Variants in TDRP observed in about 807,000 individuals in gnomAD.
TDRP encodes testis development related protein.
In TDRP, 12 loss-of-function variants were observed where a neutral mutation model predicts 10.5. The observed-to-expected ratio is 1.15, with a 90% CI of 0.73 to 1.86. The LOEUF is 1.86. Ranked by LOEUF, TDRP falls within the 40% of genes most tolerant of loss-of-function variation. TDRP has a pLI of 0.00. For synonymous variants in TDRP, 139 were observed against 95.4 expected (o/e 1.46, Z -2.67); for missense variants, 353 against 229.2 (o/e 1.54, Z -3.49).
intron 1 of TDRP, among the ~76,000 whole-genome samples, chr8:528,315 G>T (rs1390865918): frequency 6.6e-6 from 1 of 152,176 alleles, no homozygotes; most frequent in Non-Finnish European, 1.5e-5. Context: ...TGGTGGGAAT[G>T]TAAAATAGTA....
chr8:545,317 CT>C (rs1347865069), upstream of TDRP, among the ~76,000 whole-genome samples: 241 of 133,180 alleles, frequency 1.8e-3, 6 homozygotes, highest in African/African-American at 6.9e-3. Context: ...CACCGAGCCC[CT>C]AGCCCTGCCC....
At chr8:503,094 G>T (rs1232035442) in intron 1 of TDRP, among the ~76,000 whole-genome samples, 1 of 151,860 alleles carries the variant, frequency 6.6e-6, no homozygotes, top group Non-Finnish European at 1.5e-5. Flanking sequence ...TGTCAACATG[G>T]AATCCAAAGC....
chr8:514,397 A>G (rs1801697999), intron 1 of TDRP, among the ~76,000 whole-genome samples: 1 of 152,218 alleles, frequency 6.6e-6, no homozygotes, highest in African/African-American at 2.4e-5. Context: ...ACAACTGGAA[A>G]GCCACATGTA....
At chr8:495,437 T>C (rs1037421872) in intron 1 of TDRP, among the ~76,000 whole-genome samples, 3 of 152,166 alleles carry the variant, frequency 2.0e-5, no homozygotes, top group African/African-American at 7.2e-5. Context: ...GAAATAATTT[T>C]GTTGACTGTA....
chr8:535,111 G>A (rs1802312260), intron 1 of TDRP, among the ~76,000 whole-genome samples: 3 of 152,130 alleles, frequency 2.0e-5, no homozygotes, highest in South Asian at 4.1e-4. Context: ...ACTTCCATCT[G>A]AAAGATTAGA....
At chr8:519,131 T>C (rs1005975305) in intron 1 of TDRP, among the ~76,000 whole-genome samples, 1 of 152,156 alleles carries the variant, frequency 6.6e-6, no homozygotes, top group African/African-American at 2.4e-5. Flanking sequence ...TAATCAGTCA[T>C]GCCTAGGGAA....
intron 1 of TDRP, among the ~76,000 whole-genome samples, chr8:540,438 A>C (rs773681354): frequency 1.3e-5 from 2 of 152,210 alleles, no homozygotes; most frequent in African/African-American, 4.8e-5. Context: ...TATACAAAAG[A>C]GCTTAACAAT....
intron 1 of TDRP, among the ~76,000 whole-genome samples, chr8:540,983 C>A (rs1177725379): frequency 6.6e-6 from 1 of 152,152 alleles, no homozygotes; most frequent in African/African-American, 2.4e-5. Flanking sequence ...AAGAATGAAA[C>A]AGAATTGAGA....
At chr8:540,173 A>G (rs1802456114) in intron 1 of TDRP, among the ~76,000 whole-genome samples, 1 of 152,226 alleles carries the variant, frequency 6.6e-6, no homozygotes. Flanking sequence ...CAGAGGTTAG[A>G]AGACGGCTCA....
Position 492,340 on chromosome 8 carries a change from C to T in TDRP, c.*59G>A, listed in dbSNP as rs1801001203. 2.1e-6 allele frequency: 3 copies of T among 1,421,312 alleles called. No individual in the cohort carries two copies. In the South Asian group the frequency reaches 5.1e-5, roughly 24 times the overall value. 88.0% of individuals were successfully genotyped at this position (1,421,312 alleles called of 1,614,324 possible). ...TTCTAACGCGGAAAAGACTCAACAA[C>T]TACATGGTATACTCATAAAAGGCCA... is the stretch of plus-strand genomic sequence containing the variant. On this transcript the variant is annotated 3_prime_UTR_variant, in exon 3 of 3. Transcript: ENST00000324079.
chr8:544,860 C>T, upstream of TDRP: 1 of 870,920 alleles, frequency 1.1e-6, no homozygotes, highest in South Asian at 5.8e-5. Context: ...GGGACGCGGG[C>T]CCAGTGGGCC....
At chr8:501,299 C>A (rs1358556089) in intron 1 of TDRP, among the ~76,000 whole-genome samples, 1 of 152,076 alleles carries the variant, frequency 6.6e-6, no homozygotes, top group Non-Finnish European at 1.5e-5. Context: ...AGTCCAGAGT[C>A]CATGTAATTT....
At chr8:532,370 G>T (rs1802227237) in intron 1 of TDRP, among the ~76,000 whole-genome samples, 1 of 152,198 alleles carries the variant, frequency 6.6e-6, no homozygotes, top group Non-Finnish European at 1.5e-5. Flanking sequence ...GCACATATTA[G>T]CCCCCAGGCT....
chr8:491,757 A>C lies in TDRP; in HGVS notation c.*642T>G. The C allele has an allele frequency of 7.1e-7, 1 of 1,400,044 alleles. No individual in the cohort carries two copies. Among genetic ancestry groups the C allele is most frequent in the Non-Finnish European group, 9.2e-7 (1 of 1,086,836 alleles). The allele number at this position is 1,400,044 out of a possible 1,614,324, so 86.7% of individuals were successfully genotyped here. On this transcript the variant is annotated 3_prime_UTR_variant, in exon 3 of 3. Coordinates refer to ENST00000324079, the MANE Select transcript of TDRP (RefSeq NM_001384899.1). ...AAGAGGTAAAAATAAAATTCCAAAA[A>C]AGAACCACTGTTACTATCCAGTGGA...
chr8:512,322 C>T (rs1304518563), intron 1 of TDRP, among the ~76,000 whole-genome samples: 3 of 151,626 alleles, frequency 2.0e-5, no homozygotes, highest in Non-Finnish European at 4.4e-5. Flanking sequence ...AGTGCCAGCT[C>T]CTTGGGAGGC....
intron 1 of TDRP, among the ~76,000 whole-genome samples, chr8:528,335 T>A (rs1420124699): frequency 6.6e-6 from 1 of 152,208 alleles, no homozygotes; most frequent in Admixed American, 6.5e-5. Flanking sequence ...ACAGCCACTA[T>A]GGAGAACAGT....
upstream of TDRP, chr8:545,609 T>G (rs901613474): frequency 1.3e-5 from 2 of 152,054 alleles, no homozygotes; most frequent in Admixed American, 6.5e-5. Flanking sequence ...GAGCGGCGCC[T>G]GTACCCCAGC....
At chr8:510,155 G>C (rs992374637) in intron 1 of TDRP, among the ~76,000 whole-genome samples, 1 of 152,212 alleles carries the variant, frequency 6.6e-6, no homozygotes, top group Non-Finnish European at 1.5e-5. Context: ...CCAGAGTTGT[G>C]ACTGGGGTTT....
At chr8:506,311 G>A (rs778132004) in intron 1 of TDRP, among the ~76,000 whole-genome samples, 7 of 152,136 alleles carry the variant, frequency 4.6e-5, no homozygotes, top group Admixed American at 1.3e-4. Context: ...CTCCCAGCTC[G>A]GCAGCGGGGG....
Sources: allele counts gnomAD v4.1 joint callset (sites outside exome capture counted in the v4.1 genomes callset), GRCh38; gene constraint gnomAD v4.1.1; transcripts MANE v1.5; gene names NCBI Gene and HGNC (gene_info 2026-07-23, HGNC 2026-07-21).